The following FGF12 variants were observed in gnomAD, a reference collection of about 807,000 sequenced individuals.
FGF12 encodes fibroblast growth factor 12B.
Under a neutral mutation model 23.6 loss-of-function variants are expected in FGF12, and 14 were observed. The observed-to-expected ratio is 0.59, with a 90% CI of 0.39 to 0.93. The LOEUF (loss-of-function observed/expected upper bound fraction) is 0.93. Among genes scored for constraint, FGF12 ranks in the 40% least tolerant of loss-of-function variants. The pLI is 0.00. For missense variants in FGF12, 175 were observed against 217.8 expected, an observed-to-expected ratio of 0.80 and a Z score of 1.24; for synonymous variants, 62 against 77.3, an observed-to-expected ratio of 0.80 and a Z score of 1.04.
rs73203369 is a variant in FGF12 at position 192,612,101 on chromosome 3, A to G, written c.13+115080T>C. 5.3e-3 allele frequency among the ~76,000 whole-genome samples: 808 copies of G among 152,118 alleles called. 3 individuals are homozygous for G. The highest frequency in any genetic ancestry group is 0.017 in the African/African-American group (711 of 41,542). On this transcript the variant is annotated intron_variant, in intron 2 of 5. Coordinates refer to ENST00000445105, the MANE Select transcript of FGF12 (RefSeq NM_004113.6). Reference sequence around the variant, plus strand: ...CTCTATATACCCATTTATCTTAGCCATGTAGAATTGCAACCAAGGCCAGTT... The same window carrying G: ...CTCTATATACCCATTTATCTTAGCCGTGTAGAATTGCAACCAAGGCCAGTT...
At chr3:192,639,170 C>A (rs927222442) in intron 2 of FGF12, among the ~76,000 whole-genome samples, 9 of 152,134 alleles carry the variant, frequency 5.9e-5, no homozygotes, top group African/African-American at 2.2e-4. Flanking sequence ...CCAAAGAAGA[C>A]AGAAAAATGA....
chr3:192,397,979 A>G (rs1720596369), intron 2 of FGF12, among the ~76,000 whole-genome samples: 1 of 152,248 alleles, frequency 6.6e-6, no homozygotes. Flanking sequence ...TTTTTAGTCT[A>G]TTTTATCTTT....
chr3:192,574,253 G>GA (rs1382734254), intron 2 of FGF12, among the ~76,000 whole-genome samples: 2 of 152,166 alleles, frequency 1.3e-5, no homozygotes, highest in Non-Finnish European at 2.9e-5. Flanking sequence ...CCTCAGAGGA[G>GA]AAAAATGTCC....
chr3:192,438,959 C>T (rs1375065077), intron 2 of FGF12, among the ~76,000 whole-genome samples: 1 of 152,200 alleles, frequency 6.6e-6, no homozygotes, highest in Non-Finnish European at 1.5e-5. Flanking sequence ...GGTAAGCCCC[C>T]ACCTTGTCCT....
chr3:192,389,356 C>T (rs1367263739), intron 2 of FGF12, among the ~76,000 whole-genome samples: 1 of 152,142 alleles, frequency 6.6e-6, no homozygotes, highest in Non-Finnish European at 1.5e-5. Flanking sequence ...AGTGAGACTC[C>T]ATCTCAAACA....
intron 4 of FGF12, among the ~76,000 whole-genome samples, chr3:192,274,529 A>G (rs1713653959): frequency 6.6e-6 from 1 of 152,156 alleles, no homozygotes; most frequent in Non-Finnish European, 1.5e-5. Context: ...GGTGTAAACC[A>G]GGGTCGTCAG....
intron 2 of FGF12, among the ~76,000 whole-genome samples, chr3:192,716,412 G>A (rs973303706): frequency 6.6e-6 from 1 of 152,174 alleles, no homozygotes; most frequent in Non-Finnish European, 1.5e-5. Flanking sequence ...GTAAAACTAT[G>A]ATTTAAAAAA....
At chr3:192,481,415 T>C (rs1287421302) in intron 2 of FGF12, among the ~76,000 whole-genome samples, 1 of 152,210 alleles carries the variant, frequency 6.6e-6, no homozygotes, top group Non-Finnish European at 1.5e-5. Context: ...TTTCTTTTGA[T>C]AGGATTTACC....
chr3:192,681,554 C>T (rs1717526977), intron 2 of FGF12, among the ~76,000 whole-genome samples: 2 of 152,132 alleles, frequency 1.3e-5, no homozygotes, highest in African/African-American at 4.8e-5. Context: ...CTCTGCCTTG[C>T]CTCTACCAAT....
chr3:192,380,672 T>TA (rs978535034), intron 2 of FGF12, among the ~76,000 whole-genome samples: 1 of 152,116 alleles, frequency 6.6e-6, no homozygotes, highest in African/African-American at 2.4e-5. Flanking sequence ...GATTGTCCAA[T>TA]AAAAAGTAGA....
chr3:192,620,033 T>G (rs1714912364), intron 2 of FGF12, among the ~76,000 whole-genome samples: 1 of 152,108 alleles, frequency 6.6e-6, no homozygotes, highest in South Asian at 2.1e-4. Flanking sequence ...TCATTTGTGC[T>G]CAGTGGGCGA....
intron 2 of FGF12, among the ~76,000 whole-genome samples, chr3:192,497,985 G>C (rs577858355): frequency 6.1e-4 from 48 of 79,074 alleles, no homozygotes; most frequent in African/African-American, 1.7e-3. Context: ...ATCAATAAAT[G>C]AATGAAGGAA....
intron 4 of FGF12, among the ~76,000 whole-genome samples, chr3:192,250,879 A>AAGG (rs1711960368): frequency 6.6e-6 from 1 of 152,176 alleles, no homozygotes; most frequent in Non-Finnish European, 1.5e-5. Context: ...AATTCATACA[A>AAGG]GCCAAAGAAC....
chr3:192,223,712 T>G (rs1481746076), intron 4 of FGF12, among the ~76,000 whole-genome samples: 1 of 152,106 alleles, frequency 6.6e-6, no homozygotes, highest in Non-Finnish European at 1.5e-5. Context: ...TATTGAGAAA[T>G]ATAAAACTGT....
intron 2 of FGF12, among the ~76,000 whole-genome samples, chr3:192,689,253 A>G (rs192233045): frequency 6.6e-6 from 1 of 152,312 alleles, no homozygotes; most frequent in Admixed American, 6.5e-5. Context: ...TTCCCAACAC[A>G]TAGAAATGAT....
intron 2 of FGF12, among the ~76,000 whole-genome samples, chr3:192,368,621 G>C (rs1719088650): frequency 6.6e-6 from 1 of 152,090 alleles, no homozygotes; most frequent in East Asian, 1.9e-4. Context: ...TCTATGCCAA[G>C]AGTCCACAAA....
chr3:192,518,328 G>A (rs1319500140), intron 2 of FGF12, among the ~76,000 whole-genome samples: 1 of 152,090 alleles, frequency 6.6e-6, no homozygotes, highest in Non-Finnish European at 1.5e-5. Context: ...AATGATGGAT[G>A]AATGTGTTTG....
chr3:192,278,600 A>G (rs1000879090), intron 4 of FGF12, among the ~76,000 whole-genome samples: 5 of 152,230 alleles, frequency 3.3e-5, no homozygotes, highest in Non-Finnish European at 7.3e-5. Context: ...GAACCAGCCT[A>G]GAGTCTTTTA....
At chr3:192,684,182 A>G (rs1216822317) in intron 2 of FGF12, among the ~76,000 whole-genome samples, 3 of 152,314 alleles carry the variant, frequency 2.0e-5, no homozygotes, top group Non-Finnish European at 4.4e-5. Flanking sequence ...TAATTCTGAC[A>G]CAGGCGATCT....
Sources: gnomAD v4.1 joint callset for allele counts (sites outside exome capture counted in the v4.1 genomes callset) on GRCh38, gnomAD v4.1.1 for gene constraint, MANE v1.5 for transcripts, NCBI Gene and HGNC (gene_info 2026-07-23, HGNC 2026-07-21) for gene names.